NMNAT2: variants seen among roughly 807,000 people sequenced by gnomAD.
NMNAT2 encodes nicotinamide nucleotide adenylyltransferase 2.
Under a neutral mutation model 41.6 loss-of-function variants are expected in NMNAT2, and 11 were observed. That is an observed-to-expected ratio of 0.26 (90% CI 0.17 to 0.44). The LOEUF (loss-of-function observed/expected upper bound fraction) is 0.44. NMNAT2 is among the 20% of genes least tolerant of loss of function. The probability of loss-of-function intolerance (pLI) is 1.00; values close to 1 mark genes in which losing one functional copy is unlikely to be tolerated. For synonymous variants in NMNAT2, 148 were observed against 151.2 expected, an observed-to-expected ratio of 0.98 and a Z score of 0.16; for missense variants, 288 against 407.7, an observed-to-expected ratio of 0.71 and a Z score of 2.53.
At position 183,252,624 on chromosome 1, in the gene NMNAT2, C is replaced by G; in HGVS notation, c.*17G>C. ...AAAGATGGAGGGGCCATTGTGTTGC[C>G]GGAGGACGAGGGGCTGCTAGCCGGA... On this transcript the variant is annotated 3_prime_UTR_variant, in exon 11 of 11. Transcript: ENST00000287713. 1.3e-6 allele frequency: 2 copies of G among 1,576,764 alleles called. No homozygotes were observed. Among genetic ancestry groups the G allele is most frequent in the Non-Finnish European group, 1.7e-6 (2 of 1,145,912 alleles).
chr1:183,364,382 G>A (rs2102361314), intron 1 of NMNAT2, among the ~76,000 whole-genome samples: 1 of 152,292 alleles, frequency 6.6e-6, no homozygotes, highest in East Asian at 1.9e-4. Context: ...CTTTCTTCTG[G>A]TATCCCATTG....
intron 1 of NMNAT2, among the ~76,000 whole-genome samples, chr1:183,328,507 G>A (rs529764167): frequency 2.0e-5 from 3 of 152,356 alleles, no homozygotes; most frequent in East Asian, 1.9e-4. Flanking sequence ...TTCTGAGGGA[G>A]ATGGTGATCA....
chr1:183,259,282 C>T (rs1660598002), intron 10 of NMNAT2, among the ~76,000 whole-genome samples: 1 of 152,210 alleles, frequency 6.6e-6, no homozygotes, highest in Non-Finnish European at 1.5e-5. Flanking sequence ...TGCTGCCCCT[C>T]TCCGCTTATT....
chr1:183,341,727 A>AAAAAAAAAAAAAAAAAAC, intron 1 of NMNAT2, among the ~76,000 whole-genome samples: 1 of 133,244 alleles, frequency 7.5e-6, no homozygotes, highest in African/African-American at 2.7e-5. Context: ...ACAAACACCA[A>AAAAAAAAAAAAAAAAAAC]AAAAAAAAAA....
chr1:183,299,044 A>G (rs1391366152), intron 1 of NMNAT2, among the ~76,000 whole-genome samples: 4 of 152,226 alleles, frequency 2.6e-5, no homozygotes, highest in Non-Finnish European at 5.9e-5. Context: ...AAACTGTGGT[A>G]CACCCATACC....
intron 7 of NMNAT2, chr1:183,283,115 C>T (rs1394662466): frequency 6.6e-6 from 1 of 152,184 alleles, no homozygotes. Context: ...CAGGACAAAC[C>T]CTGCCTCTCA....
intron 1 of NMNAT2, among the ~76,000 whole-genome samples, chr1:183,345,366 C>G (rs1019577327): frequency 1.2e-4 from 18 of 152,116 alleles, no homozygotes; most frequent in African/African-American, 4.3e-4. Context: ...AACTTAATCC[C>G]TAATGTGGCA....
At chr1:183,333,490 G>A (rs1022295782) in intron 1 of NMNAT2, among the ~76,000 whole-genome samples, 1 of 152,168 alleles carries the variant, frequency 6.6e-6, no homozygotes, top group Non-Finnish European at 1.5e-5. Flanking sequence ...CAGAGAAGGA[G>A]ATGTGAGGAA....
intron 1 of NMNAT2, among the ~76,000 whole-genome samples, chr1:183,296,522 C>CT (rs10655549): frequency 0.018 from 2,712 of 148,430 alleles, 70 homozygotes; most frequent in African/African-American, 0.06. Context: ...GTCACATTTG[C>CT]TTTTTTTTTT....
At chr1:183,352,272 A>T (rs1015688369) in intron 1 of NMNAT2, among the ~76,000 whole-genome samples, 7 of 152,116 alleles carry the variant, frequency 4.6e-5, no homozygotes, top group Middle Eastern at 3.2e-3. Flanking sequence ...TGGATAAGAG[A>T]TGTGTGAGAG....
intron 1 of NMNAT2, among the ~76,000 whole-genome samples, chr1:183,407,610 A>C (rs990055358): frequency 5.3e-5 from 8 of 152,214 alleles, no homozygotes; most frequent in Non-Finnish European, 1.0e-4. Flanking sequence ...CCTTGGCTAG[A>C]ACTTATATCT....
At chr1:183,415,467 A>G (rs556236532) in intron 1 of NMNAT2, among the ~76,000 whole-genome samples, 11 of 152,286 alleles carry the variant, frequency 7.2e-5, no homozygotes, top group African/African-American at 2.4e-4. Flanking sequence ...CTCTTAGTTT[A>G]TGGTTCATGA....
intron 1 of NMNAT2, among the ~76,000 whole-genome samples, chr1:183,331,420 T>TCTA (rs1553215734): frequency 2.0e-5 from 3 of 152,012 alleles, no homozygotes; most frequent in Non-Finnish European, 4.4e-5. Flanking sequence ...ATAGACAAGA[T>TCTA]GAAAGGCAGG....
intron 1 of NMNAT2, among the ~76,000 whole-genome samples, chr1:183,379,786 C>T (rs1027553116): frequency 6.6e-6 from 1 of 152,126 alleles, no homozygotes; most frequent in Non-Finnish European, 1.5e-5. Flanking sequence ...GACTCTATAG[C>T]CTTCAACTCT....
chr1:183,320,974 G>T (rs1662345178), intron 1 of NMNAT2, among the ~76,000 whole-genome samples: 1 of 152,188 alleles, frequency 6.6e-6, no homozygotes, highest in Admixed American at 6.5e-5. Context: ...AGCAATTCTA[G>T]TCCTTTCTGT....
chr1:183,381,515 G>A (rs1663802734), intron 1 of NMNAT2, among the ~76,000 whole-genome samples: 1 of 152,146 alleles, frequency 6.6e-6, no homozygotes, highest in African/African-American at 2.4e-5. Flanking sequence ...GGCCAACAAA[G>A]TGAAATCCTA....
intron 1 of NMNAT2, among the ~76,000 whole-genome samples, chr1:183,352,264 G>T (rs547355149): frequency 1.3e-5 from 2 of 152,182 alleles, no homozygotes; most frequent in African/African-American, 2.4e-5. Context: ...CTTGACATTG[G>T]ATAAGAGATG....
chr1:183,260,712 G>A (rs1368222553), intron 10 of NMNAT2, among the ~76,000 whole-genome samples: 5 of 151,830 alleles, frequency 3.3e-5, no homozygotes, highest in African/African-American at 4.8e-5. Context: ...CCAGCTACTC[G>A]GGAGGCAGAG....
At chr1:183,307,186 C>T (rs1662012623) in intron 1 of NMNAT2, among the ~76,000 whole-genome samples, 1 of 152,178 alleles carries the variant, frequency 6.6e-6, no homozygotes, top group Non-Finnish European at 1.5e-5. Context: ...TGTCCTGCTT[C>T]CCTTAGAGAG....
Sources: gnomAD v4.1 joint callset for allele counts (sites outside exome capture counted in the v4.1 genomes callset) on GRCh38, gnomAD v4.1.1 for gene constraint, MANE v1.5 for transcripts, NCBI Gene and HGNC (gene_info 2026-07-23, HGNC 2026-07-21) for gene names.